Variants in KDM4B observed in about 807,000 individuals in gnomAD.
KDM4B encodes the protein lysine-specific demethylase 4B.
Under a neutral mutation model 125.2 loss-of-function variants are expected in KDM4B, and 32 were observed. The observed-to-expected ratio is 0.26, with a 90% CI of 0.19 to 0.34. KDM4B has a LOEUF of 0.34. Among genes scored for constraint, KDM4B ranks in the 10% least tolerant of loss-of-function variants. The pLI, the probability that KDM4B is intolerant of heterozygous loss-of-function variation, is 1.00. For synonymous variants in KDM4B, 721 were observed against 677.9 expected, an observed-to-expected ratio of 1.06 and a Z score of -0.99; for missense variants, 1,190 against 1,577.7, an observed-to-expected ratio of 0.75 and a Z score of 4.16.
chr19:5,057,057 TGTGTGTGTGC>T (rs1438142284), intron 6 of KDM4B, among the ~76,000 whole-genome samples: 5 of 144,758 alleles, frequency 3.5e-5, no homozygotes, highest in South Asian at 4.3e-4. Context: ...TGTGTGTGTG[TGTGTGTGTGC>T]GCGCGCGCGC....
At chr19:5,126,342 C>G (rs569360357) in intron 11 of KDM4B, among the ~76,000 whole-genome samples, 69 of 152,290 alleles carry the variant, frequency 4.5e-4, no homozygotes, top group African/African-American at 1.5e-3. Context: ...CCCCACCAGC[C>G]AGCCCTAACC....
chr19:4,996,793 C>CT (rs1387245196), intron 1 of KDM4B, among the ~76,000 whole-genome samples: 1 of 152,048 alleles, frequency 6.6e-6, no homozygotes, highest in East Asian at 1.9e-4. Context: ...TGTTTTTTTT[C>CT]TTGACTTAAA....
intron 12 of KDM4B, 25 bp downstream of exon 12, chr19:5,131,570 G>C (rs1599247291): frequency 1.2e-6 from 1 of 856,812 alleles, no homozygotes; most frequent in Non-Finnish European, 1.7e-6. Context: ...GGGAGGCAGG[G>C]AGGAGGGGGG....
At chr19:5,024,071 C>A (rs1459616645) in intron 2 of KDM4B, among the ~76,000 whole-genome samples, 1 of 152,122 alleles carries the variant, frequency 6.6e-6, no homozygotes, top group Non-Finnish European at 1.5e-5. Context: ...TAAACCGATT[C>A]TTTGTCATCA....
chr19:5,056,855 T>G (rs1461534705), intron 6 of KDM4B, among the ~76,000 whole-genome samples: 1 of 64,028 alleles, frequency 1.6e-5, no homozygotes, highest in Non-Finnish European at 3.5e-5. Context: ...GTGGGGACCC[T>G]GGGGCGGGGA....
Position 5,043,445 on chromosome 19 carries a change from C to T in KDM4B, c.432+2194C>T, listed in dbSNP as rs185703953. 9.1e-4 allele frequency among the ~76,000 whole-genome samples: 125 copies of T among 137,114 alleles called. 1 individual carries two copies. Among genetic ancestry groups the T allele is most frequent in the Non-Finnish European group, 7.8e-4 (51 of 65,130 alleles). The allele number at this position is 137,114 out of a possible 152,430, so 90.0% of individuals were successfully genotyped here. ...GGTGTTTATCGGAGTGGGGTGTCAA[C>T]CTTATCCCGCGCTGTGTTTATCGGA... is the stretch of plus-strand genomic sequence containing the variant. On this transcript the variant is annotated intron_variant, in intron 5 of 22. Transcript: ENST00000159111.
At position 5,144,057 on chromosome 19, in the gene KDM4B, A is replaced by T; in HGVS notation, c.2641A>T (p.Thr881Ser). Residue 881 changes from threonine (T) to serine (S), a missense_variant, in exon 19 of 23, where the codon ACC (threonine) becomes TCC (serine). By Grantham distance (58) the Thr-to-Ser change is moderately conservative. Coordinates refer to ENST00000159111, the MANE Select transcript of KDM4B (RefSeq NM_015015.3). ...GCACTGCTCCACGTCCTTCCACGTG[A>T]CCTGCGCCCACGCCGCAGGCGTGCT... ...YEHCSTSFHV[T>S]CAHAAGVLME... 1 of 1,606,902 alleles carries T rather than the reference A, an allele frequency of 6.2e-7. No homozygotes were observed. The highest frequency in any genetic ancestry group is 8.5e-7 in the Non-Finnish European group (1 of 1,174,870).
rs925923235 is a variant in KDM4B, at chr19:5,144,682, G to T, written c.2902-101G>T. ...CCCGCAGCCAGCTTTGGGGCTTCAG[G>T]CAGAGAACCTCACTTGCCAGCGCGG... is the stretch of plus-strand genomic sequence containing the variant. On this transcript the variant is annotated intron_variant, in intron 20 of 22. Transcript: ENST00000159111. 4.6e-6 allele frequency: 7 copies of T among 1,517,122 alleles called. No individual in the cohort carries two copies. In the African/African-American group the frequency reaches 8.3e-5, roughly 18 times the overall value. 94.0% of individuals were successfully genotyped at this position (1,517,122 alleles called of 1,614,324 possible).
At chr19:5,150,249 G>T (rs930562811) in intron 21 of KDM4B, 109 bp from the exon 22 acceptor site, 2 of 767,992 alleles carry the variant, frequency 2.6e-6, no homozygotes, top group East Asian at 2.7e-5. Context: ...CCTCTAGCGG[G>T]CCCCATGCAC....
chr19:4,982,875 T>C (rs767921201), intron 1 of KDM4B, among the ~76,000 whole-genome samples: 2 of 152,258 alleles, frequency 1.3e-5, no homozygotes, highest in South Asian at 4.2e-4. Flanking sequence ...CCTCTGAAAA[T>C]GCTGGGATGA....
intron 9 of KDM4B, among the ~76,000 whole-genome samples, chr19:5,098,222 G>A (rs960711612): frequency 5.9e-5 from 9 of 152,140 alleles, no homozygotes; most frequent in African/African-American, 9.7e-5. Flanking sequence ...TCTGGGGAGC[G>A]GATTTCTTTT....
chr19:5,107,651 G>T (rs1211707386), intron 9 of KDM4B, among the ~76,000 whole-genome samples: 6 of 152,220 alleles, frequency 3.9e-5, no homozygotes, highest in Non-Finnish European at 7.3e-5. Context: ...TCATGGGCAC[G>T]TGGCTCCCAC....
chr19:5,118,522 G>A (rs1193889367), intron 10 of KDM4B, among the ~76,000 whole-genome samples: 1 of 152,164 alleles, frequency 6.6e-6, no homozygotes, highest in East Asian at 1.9e-4. Flanking sequence ...GCCCAGGGGA[G>A]GCACTAGTGA....
chr19:5,047,335 C>T, intron 5 of KDM4B, 141 bp from the exon 6 acceptor site: 1 of 722,236 alleles, frequency 1.4e-6, no homozygotes, highest in South Asian at 1.8e-5. Flanking sequence ...TATGACCGGC[C>T]CCTGGGGGGG....
chr19:5,088,224 G>A (rs918589213), intron 9 of KDM4B, among the ~76,000 whole-genome samples: 7 of 152,224 alleles, frequency 4.6e-5, no homozygotes, highest in Non-Finnish European at 8.8e-5. Context: ...ACACCTGCAG[G>A]GGCAGGGAGT....
rs753282446 is a variant in KDM4B, at chr19:5,131,393, G to C, written c.1633G>C (p.Val545Leu). 1.9e-5 allele frequency: 30 copies of C among 1,611,634 alleles called. No individual in the cohort carries two copies. In the South Asian group the frequency reaches 2.9e-4, roughly 15 times the overall value. ...PGKAAFNQEH[V>L]SCQQAFEHFA... The stretch of plus-strand genomic sequence containing the variant: ...CAAGGCAGCCTTCAACCAGGAGCAC[G>C]TGTCCTGCCAGCAGGCCTTTGAGCA... Residue 545 changes from valine (V) to leucine (L), a missense_variant, in exon 12 of 23, where the codon GTG becomes CTG. Val to Leu is a conservative substitution (Grantham distance 32). This residue lies in a region of KDM4B where 428 missense variants were observed against 405.1 expected (regional missense o/e 1.06). Coordinates refer to ENST00000159111, the MANE Select transcript of KDM4B (RefSeq NM_015015.3).
At chr19:4,981,933 A>C (rs1356791580) in intron 1 of KDM4B, among the ~76,000 whole-genome samples, 1 of 152,160 alleles carries the variant, frequency 6.6e-6, no homozygotes, top group Admixed American at 6.5e-5. Flanking sequence ...CCTGCCTCAC[A>C]CCATGGCCAG....
intron 9 of KDM4B, among the ~76,000 whole-genome samples, chr19:5,099,337 C>T (rs554625188): frequency 5.3e-5 from 8 of 152,262 alleles, no homozygotes; most frequent in Non-Finnish European, 5.9e-5. Context: ...TGAGACAAGA[C>T]GGTGGATCCC....
At position 4,999,204 on chromosome 19, in the gene KDM4B, A is replaced by G. The variant is rs114077271; in HGVS notation, c.-108-17053A>G. Among the ~76,000 whole-genome samples the G allele has an allele frequency of 9.4e-3, 1,427 of 152,136 alleles. 36 individuals are homozygous for G. Among genetic ancestry groups the G allele is most frequent in the African/African-American group, 0.033 (1,356 of 41,502 alleles). ...TGTCCCTTGTTCCTTTCTTATTTCT[A>G]TCAGGGTGGGCTTGTGGATTCTTAC... On this transcript the variant is annotated intron_variant, in intron 1 of 22. Transcript: ENST00000159111.
Sources: gnomAD v4.1 joint callset for allele counts (sites outside exome capture counted in the v4.1 genomes callset) on GRCh38, gnomAD v4.1.1 for gene constraint, gnomAD v4.1.1 regional missense constraint, MANE v1.5 for transcripts, NCBI Gene and HGNC (gene_info 2026-07-23, HGNC 2026-07-21) for gene names.